The following PGLYRP3 variants were observed in gnomAD, a reference collection of about 807,000 sequenced individuals.
PGLYRP3 encodes peptidoglycan recognition protein 3.
In PGLYRP3, 39 loss-of-function variants were observed where a neutral mutation model predicts 36.0. The ratio of observed to expected loss-of-function variants is 1.08; its 90% CI spans 0.84 to 1.41. The LOEUF is 1.41. Ranked by LOEUF, PGLYRP3 falls within the 40% of genes most tolerant of loss-of-function variation. PGLYRP3 has a pLI of 0.00. For missense variants in PGLYRP3, 407 were observed against 427.9 expected, an observed-to-expected ratio of 0.95 and a Z score of 0.43; for synonymous variants, 204 against 172.8, an observed-to-expected ratio of 1.18 and a Z score of -1.42.
chr1:153,305,269 A>C (rs1188025859), intron 3 of PGLYRP3, among the ~76,000 whole-genome samples: 2 of 152,194 alleles, frequency 1.3e-5, no homozygotes, highest in African/African-American at 4.8e-5. Flanking sequence ...TTTAGCTTGC[A>C]TGTGTTTTCC....
At chr1:153,304,834 A>T (rs753353156) in intron 4 of PGLYRP3, 113 bp downstream of exon 4, 6 of 749,080 alleles carry the variant, frequency 8.0e-6, no homozygotes. Context: ...AAGGGTGATC[A>T]TCAGAGAAGG....
At position 153,297,541 on chromosome 1, in the gene PGLYRP3, A is replaced by AGGAAGGAT. The variant is rs1659461667; in HGVS notation, c.*414_*415insATCCTTCC. On this transcript the variant is annotated 3_prime_UTR_variant, in exon 8 of 8. Transcript: ENST00000683862. ...AAGGAAGGAAGGAAGGAAGGAAGGA[A>AGGAAGGAT]GGAAGGAAGGAAAGAAAGAAAAAGA... is the stretch of plus-strand genomic sequence containing the variant. 1.1e-5 allele frequency among the ~76,000 whole-genome samples: 1 copy of AGGAAGGAT among 93,156 alleles called. No individual in the cohort carries two copies. The highest frequency in any genetic ancestry group is 2.4e-5 in the Non-Finnish European group (1 of 41,540). 61.1% of individuals were successfully genotyped at this position (93,156 alleles called of 152,430 possible). A position where few individuals can be genotyped will look rare whatever the true frequency, so the allele number is the denominator to read the frequency against.
At chr1:153,309,905 C>T (rs992950486) in intron 2 of PGLYRP3, among the ~76,000 whole-genome samples, 11 of 152,226 alleles carry the variant, frequency 7.2e-5, no homozygotes, top group Middle Eastern at 3.2e-3. Context: ...AATGAAAGGC[C>T]TGTGAGTTTC....
chr1:153,297,502 G>T lies in PGLYRP3; in HGVS notation c.*454C>A, dbSNP rs548415246. Among the ~76,000 whole-genome samples, 3 of 51,078 alleles carry T rather than the reference G, an allele frequency of 5.9e-5. No homozygotes were observed. The highest frequency in any genetic ancestry group is 2.9e-4 in the African/African-American group (3 of 10,310). 33.5% of individuals were successfully genotyped at this position (51,078 alleles called of 152,430 possible). On this transcript the variant is annotated 3_prime_UTR_variant, in exon 8 of 8. Coordinates refer to ENST00000683862, the MANE Select transcript of PGLYRP3 (RefSeq NM_052891.3). The stretch of plus-strand genomic sequence containing the variant: ...TGAGAAAGCAAGAAAGAAGGTGAAA[G>T]GAAGGAAGGAAGGAAGGAAGGAAGG...
chr1:153,302,760 G>A (rs1659631393), intron 5 of PGLYRP3, among the ~76,000 whole-genome samples, 153 bp from the exon 6 acceptor site: 1 of 152,222 alleles, frequency 6.6e-6, no homozygotes, highest in South Asian at 2.1e-4. Flanking sequence ...GGATTCTGGG[G>A]AAGTCCAGTT....
chr1:153,303,837 G>A lies in PGLYRP3; in HGVS notation c.529+20C>T. ...TAGGTGGTGACGAGGAGGAGGGTGA[G>A]GTGACATGGAGGGTCTTACCCTTCC... On this transcript the variant is annotated intron_variant, in intron 5 of 7. Transcript: ENST00000683862. 6.3e-7 allele frequency: 1 copy of A among 1,595,272 alleles called. No homozygotes were observed. The highest frequency in any genetic ancestry group is 8.6e-7 in the Non-Finnish European group (1 of 1,166,338).
chr1:153,299,066 T>C (rs751215602), intron 7 of PGLYRP3, 47 bp downstream of exon 7: 13 of 1,479,392 alleles, frequency 8.8e-6, no homozygotes, highest in Non-Finnish European at 1.1e-5. Context: ...ACATGCTGCA[T>C]GGTCCTTCAA....
chr1:153,305,418 C>T (rs1659718342), intron 3 of PGLYRP3, among the ~76,000 whole-genome samples: 2 of 152,184 alleles, frequency 1.3e-5, no homozygotes, highest in Non-Finnish European at 2.9e-5. Flanking sequence ...TAGGACCAAA[C>T]ACTTGAACAT....
chr1:153,308,020 A>G (rs9970686), intron 2 of PGLYRP3, among the ~76,000 whole-genome samples: 81 of 143,834 alleles, frequency 5.6e-4, no homozygotes, highest in African/African-American at 2.0e-3. Context: ...TTTGAAATGG[A>G]GTCTCGCGCT....
chr1:153,302,022 C>G (rs371275571), intron 6 of PGLYRP3, among the ~76,000 whole-genome samples: 1 of 152,178 alleles, frequency 6.6e-6, no homozygotes, highest in South Asian at 2.1e-4. Flanking sequence ...ATTCTAACAT[C>G]GGAGAGAGCA....
rs775566352 is a variant in PGLYRP3 at position 153,302,528 on chromosome 1, A to G, written c.609T>C (p.Tyr203=). The G allele has an allele frequency of 1.1e-5, 18 of 1,614,094 alleles. No homozygotes were observed. The highest frequency in any genetic ancestry group is 1.1e-4 in the East Asian group (5 of 44,902). ...TGCCAGCGGTGTGGATGATGATGAC[A>G]TATTTGGCTGGGAGGTTCATTTTAG... ...HCPKMNLPAK[Y]VIIIHTAGTS... The change falls in exon 6 of 8, where the codon TAT becomes TAC. Residue 203 remains tyrosine, a synonymous_variant. Transcript: ENST00000683862.
intron 3 of PGLYRP3, 144 bp downstream of exon 3, chr1:153,306,922 T>G: frequency 1.3e-6 from 1 of 798,676 alleles, no homozygotes; most frequent in Non-Finnish European, 2.0e-6. Context: ...GATTCGGATT[T>G]TGTTTGATTC....
At position 153,299,096 on chromosome 1, in the gene PGLYRP3, C is replaced by T. The variant is rs1659522271; in HGVS notation, c.847+17G>A. ...CTTCAACCCCCAGCACCCCTCTACC[C>T]CATGCTCACCCCTTACCTACAAAGT... On this transcript the variant is annotated intron_variant, in intron 7 of 7. Transcript: ENST00000683862. 1 of 1,604,746 alleles carries T rather than the reference C, an allele frequency of 6.2e-7. No homozygotes were observed.
intron 1 of PGLYRP3, among the ~76,000 whole-genome samples, 33 bp downstream of exon 1, chr1:153,312,602 TACACACAC>T (rs3840431): frequency 6.7e-6 from 1 of 150,004 alleles, no homozygotes; most frequent in Non-Finnish European, 1.5e-5. Context: ...TCTAAAGAAA[TACACACAC>T]ACACACACAC....
rs1423157615 is a variant in PGLYRP3 at position 153,297,522 on chromosome 1, G to A, written c.*434C>T. Reference sequence around the variant, plus strand: ...TGAAAGGAAGGAAGGAAGGAAGGAAGGAAGGAAGGAAGGAAGGAAGGAAGG... The same window carrying A: ...TGAAAGGAAGGAAGGAAGGAAGGAAAGAAGGAAGGAAGGAAGGAAGGAAGG... On this transcript the variant is annotated 3_prime_UTR_variant, in exon 8 of 8. Coordinates refer to ENST00000683862, the MANE Select transcript of PGLYRP3 (RefSeq NM_052891.3). Among the ~76,000 whole-genome samples the A allele has an allele frequency of 4.8e-4, 35 of 73,682 alleles. No homozygotes were observed. Among genetic ancestry groups the A allele is most frequent in the African/African-American group, 1.8e-3 (32 of 17,578 alleles). 48.3% of individuals were successfully genotyped at this position (73,682 alleles called of 152,430 possible).
intron 3 of PGLYRP3, among the ~76,000 whole-genome samples, chr1:153,306,489 G>T (rs770505324): frequency 6.6e-6 from 1 of 152,162 alleles, no homozygotes; most frequent in Admixed American, 6.5e-5. Flanking sequence ...CACTCTCCCC[G>T]GTGGGGTCCC....
intron 2 of PGLYRP3, 82 bp from the exon 3 acceptor site, chr1:153,307,349 ATGC>A: frequency 7.2e-7 from 1 of 1,385,394 alleles, no homozygotes; most frequent in Non-Finnish European, 9.9e-7. Context: ...CTGACCTCTC[ATGC>A]TCAGGCCCGA....
At position 153,312,799 on chromosome 1, in the gene PGLYRP3, G is replaced by C. The variant is rs140108786; in HGVS notation, c.-198C>G. Among the ~76,000 whole-genome samples the C allele has an allele frequency of 1.8e-3, 281 of 152,312 alleles. 9 individuals carry two copies. In the East Asian group the frequency reaches 0.042, roughly 23 times the overall value. ...GGCCTTCACTCCCCCTGGCCCTAGA[G>C]GGCACTCCCTCCCTGGGAATGGAGC... On this transcript the variant is annotated 5_prime_UTR_variant, in exon 1 of 8. Transcript: ENST00000683862.
rs3006442 is a variant in PGLYRP3, at chr1:153,306,985, A to G, written c.257+81T>C. On this transcript the variant is annotated intron_variant, in intron 3 of 7. Coordinates refer to ENST00000683862, the MANE Select transcript of PGLYRP3 (RefSeq NM_052891.3). The stretch of plus-strand genomic sequence containing the variant: ...AAGCAATGTAAATGAAGCGCAGAAA[A>G]TAAGAGCCACAGAGAAGGGGAAGTG... 3.4e-3 allele frequency: 4,338 copies of G among 1,260,056 alleles called. 111 individuals carry two copies. In the African/African-American group the frequency reaches 0.079, roughly 23 times the overall value. The allele number at this position is 1,260,056 out of a possible 1,614,324, so 78.1% of individuals were successfully genotyped here.
Sources: allele counts gnomAD v4.1 joint callset (sites outside exome capture counted in the v4.1 genomes callset), GRCh38; gene constraint gnomAD v4.1.1; transcripts MANE v1.5; gene names NCBI Gene and HGNC (gene_info 2026-07-23, HGNC 2026-07-21).